The following NXPH2 variants were observed in gnomAD, a reference collection of about 807,000 sequenced individuals.
NXPH2 encodes the protein neurexophilin 2.
A neutral mutation model predicts 19.8 loss-of-function variants in NXPH2; 5 were observed. The ratio of observed to expected loss-of-function variants is 0.25; its 90% CI spans 0.13 to 0.53. NXPH2 has a LOEUF of 0.53. NXPH2 is among the 20% of genes least tolerant of loss of function. The pLI, the probability that NXPH2 is intolerant of heterozygous loss-of-function variation, is 0.96. For missense variants in NXPH2, 289 were observed against 322.8 expected (o/e 0.90, Z 0.80); for synonymous variants, 154 against 127.4 (o/e 1.21, Z -1.41).
chr2:138,758,131 C>G (rs902581134), intron 1 of NXPH2, among the ~76,000 whole-genome samples: 5 of 151,974 alleles, frequency 3.3e-5, no homozygotes, highest in Non-Finnish European at 5.9e-5. Flanking sequence ...TCATAAAAGG[C>G]CAAAACCCTT....
At chr2:138,761,942 A>ATGCTTAT (rs1339822458) in intron 1 of NXPH2, among the ~76,000 whole-genome samples, 1 of 152,242 alleles carries the variant, frequency 6.6e-6, no homozygotes, top group Non-Finnish European at 1.5e-5. Flanking sequence ...CAAAGGCAGA[A>ATGCTTAT]GTCTTAGATT....
intron 1 of NXPH2, among the ~76,000 whole-genome samples, chr2:138,687,817 T>A (rs1211050508): frequency 6.6e-6 from 1 of 152,232 alleles, no homozygotes; most frequent in Non-Finnish European, 1.5e-5. Flanking sequence ...ATTTCTTGTT[T>A]TTGTCAGGTT....
chr2:138,772,117 T>G (rs1460309329), intron 1 of NXPH2, among the ~76,000 whole-genome samples: 1 of 152,130 alleles, frequency 6.6e-6, no homozygotes, highest in East Asian at 1.9e-4. Context: ...GAACCCACAC[T>G]TTCTCTCTCC....
chr2:138,771,916 A>G (rs1262944750), intron 1 of NXPH2, among the ~76,000 whole-genome samples: 1 of 152,222 alleles, frequency 6.6e-6, no homozygotes, highest in Non-Finnish European at 1.5e-5. Context: ...TACTTTTATA[A>G]TAAAATACAT....
chr2:138,778,085 A>G (rs768697093), intron 1 of NXPH2, among the ~76,000 whole-genome samples: 2 of 152,180 alleles, frequency 1.3e-5, no homozygotes, highest in Non-Finnish European at 2.9e-5. Context: ...ATTGGGGAAT[A>G]TTTCAATTTA....
At chr2:138,691,330 G>A (rs1476204804) in intron 1 of NXPH2, among the ~76,000 whole-genome samples, 1 of 152,124 alleles carries the variant, frequency 6.6e-6, no homozygotes, top group African/African-American at 2.4e-5. Context: ...GTTCTTTCTA[G>A]TATCACTATA....
At chr2:138,676,324 C>T (rs936366009) in intron 1 of NXPH2, among the ~76,000 whole-genome samples, 1 of 152,170 alleles carries the variant, frequency 6.6e-6, no homozygotes, top group African/African-American at 2.4e-5. Context: ...TTAATCATCA[C>T]TTTATAACAT....
intron 1 of NXPH2, among the ~76,000 whole-genome samples, chr2:138,680,299 A>C (rs1314728663): frequency 2.0e-5 from 3 of 152,254 alleles, no homozygotes; most frequent in Admixed American, 2.0e-4. Context: ...CAAAGTGGAA[A>C]GTGAATTAGA....
intron 1 of NXPH2, among the ~76,000 whole-genome samples, chr2:138,745,854 T>C (rs1222864418): frequency 6.6e-6 from 1 of 152,198 alleles, no homozygotes; most frequent in Non-Finnish European, 1.5e-5. Flanking sequence ...GGTTTAGTTG[T>C]ATCTATCTCT....
intron 1 of NXPH2, among the ~76,000 whole-genome samples, chr2:138,732,538 G>GGT: frequency 6.6e-6 from 1 of 152,242 alleles, no homozygotes; most frequent in African/African-American, 2.4e-5. Context: ...GAGATTTCAG[G>GGT]CTCTCTCAGG....
chr2:138,687,789 A>G lies in NXPH2; in HGVS notation c.52-16124T>C, dbSNP rs187806799. Reference sequence around the variant, plus strand: ...CAGTTTTCCCAGCACCATTTATTAAATAGGGAATCCTTTCCTTATTTCTTG... The same window carrying G: ...CAGTTTTCCCAGCACCATTTATTAAGTAGGGAATCCTTTCCTTATTTCTTG... On this transcript the variant is annotated intron_variant, in intron 1 of 1. Transcript: ENST00000272641. 2.5e-3 allele frequency among the ~76,000 whole-genome samples: 381 copies of G among 152,338 alleles called. 2 individuals carry two copies. The highest frequency in any genetic ancestry group is 7.5e-3 in the African/African-American group (310 of 41,582).
chr2:138,746,578 A>G (rs1419291955), intron 1 of NXPH2, among the ~76,000 whole-genome samples: 3 of 152,200 alleles, frequency 2.0e-5, no homozygotes, highest in East Asian at 3.9e-4. Flanking sequence ...AACTGCCACA[A>G]TGGATGAGGA....
At chr2:138,765,276 A>G (rs774418772) in intron 1 of NXPH2, among the ~76,000 whole-genome samples, 4 of 152,220 alleles carry the variant, frequency 2.6e-5, no homozygotes, top group Non-Finnish European at 5.9e-5. Flanking sequence ...CTCCATATAT[A>G]TAAAGGGATT....
Position 138,734,715 on chromosome 2 carries a change from T to C in NXPH2, c.51+45476A>G, listed in dbSNP as rs1005540141. Among the ~76,000 whole-genome samples, 5 of 152,144 alleles carry C rather than the reference T, an allele frequency of 3.3e-5. 1 individual carries two copies. The highest frequency in any genetic ancestry group is 1.3e-4 in the Admixed American group (2 of 15,270). On this transcript the variant is annotated intron_variant, in intron 1 of 1. Transcript: ENST00000272641. ...ACAAGACTTGGTGGCTGATGGGGTATGGAAAATGGGGTGAAGAAAGTATGA... is the reference window on the plus strand; with the variant it reads ...ACAAGACTTGGTGGCTGATGGGGTACGGAAAATGGGGTGAAGAAAGTATGA...
At chr2:138,765,020 G>T (rs1682070045) in intron 1 of NXPH2, among the ~76,000 whole-genome samples, 1 of 152,118 alleles carries the variant, frequency 6.6e-6, no homozygotes, top group African/African-American at 2.4e-5. Flanking sequence ...GATAAAGAAG[G>T]GCTTGACTTA....
intron 1 of NXPH2, among the ~76,000 whole-genome samples, chr2:138,687,744 G>A (rs1340818671): frequency 6.6e-6 from 1 of 152,170 alleles, no homozygotes; most frequent in Non-Finnish European, 1.5e-5. Flanking sequence ...TCAAGTTTCA[G>A]CTTTCTACAT....
At chr2:138,768,929 C>T (rs1360654953) in intron 1 of NXPH2, among the ~76,000 whole-genome samples, 1 of 152,132 alleles carries the variant, frequency 6.6e-6, no homozygotes, top group African/African-American at 2.4e-5. Context: ...TCCAAGTCAG[C>T]CTGACATCAA....
chr2:138,706,469 A>C (rs1681011204), intron 1 of NXPH2, among the ~76,000 whole-genome samples: 2 of 152,190 alleles, frequency 1.3e-5, no homozygotes, highest in African/African-American at 4.8e-5. Context: ...GTTCTCTAGG[A>C]TCTATCCAAT....
chr2:138,726,291 C>T (rs984530432), intron 1 of NXPH2, among the ~76,000 whole-genome samples: 3 of 152,010 alleles, frequency 2.0e-5, no homozygotes, highest in Non-Finnish European at 4.4e-5. Context: ...GTGATCTGCC[C>T]GCCTCAGCCT....
Sources: gnomAD v4.1 joint callset for allele counts (sites outside exome capture counted in the v4.1 genomes callset) on GRCh38, gnomAD v4.1.1 for gene constraint, MANE v1.5 for transcripts, NCBI Gene and HGNC (gene_info 2026-07-23, HGNC 2026-07-21) for gene names.